Variants in CD200 observed in about 807,000 individuals in gnomAD.
CD200 encodes the protein CD200 molecule.
In CD200, 15 loss-of-function variants were observed where a neutral mutation model predicts 30.9. The ratio of observed to expected loss-of-function variants is 0.49; its 90% CI spans 0.32 to 0.75. CD200 has a LOEUF of 0.75. Among genes scored for constraint, CD200 ranks in the 30% least tolerant of loss-of-function variants. The pLI is 0.03. For synonymous variants in CD200, 134 were observed against 126.2 expected, an observed-to-expected ratio of 1.06 and a Z score of -0.41; for missense variants, 262 against 324.2, an observed-to-expected ratio of 0.81 and a Z score of 1.47.
chr3:112,343,626 CT>C (rs1163838499), intron 2 of CD200, among the ~76,000 whole-genome samples: 4 of 152,022 alleles, frequency 2.6e-5, no homozygotes, highest in South Asian at 2.1e-4. Flanking sequence ...TCCTATTTAA[CT>C]TTTTTTCCTT....
intron 4 of CD200, among the ~76,000 whole-genome samples, chr3:112,348,600 T>C (rs1438916563): frequency 6.6e-6 from 1 of 152,188 alleles, no homozygotes; most frequent in Non-Finnish European, 1.5e-5. Context: ...GCACTGACTC[T>C]TGATGAAGCA....
At chr3:112,333,504 G>T (rs2081044552) in intron 1 of CD200, 1 of 985,336 alleles carries the variant, frequency 1.0e-6, no homozygotes, top group Non-Finnish European at 1.2e-6. Flanking sequence ...CGGGGCTCCG[G>T]GGGCTCTTGA....
chr3:112,342,482 G>A (rs752687016), intron 2 of CD200, among the ~76,000 whole-genome samples: 5 of 148,970 alleles, frequency 3.4e-5, no homozygotes, highest in African/African-American at 7.5e-5. Flanking sequence ...GAGTGCAGTG[G>A]CACAGTCTCA....
At chr3:112,342,801 A>G (rs1199280313) in intron 2 of CD200, among the ~76,000 whole-genome samples, 1 of 152,148 alleles carries the variant, frequency 6.6e-6, no homozygotes, top group East Asian at 1.9e-4. Flanking sequence ...GATTTTTTCT[A>G]TGCTTTCTGG....
rs1251571797 is a variant in CD200, at chr3:112,355,832, G to C, written c.803-5711G>C. ...GCTAAAAATATATATATTTGATGAA[G>C]TATATTAAGTAGAAAAAAATGTTAG... On this transcript the variant is annotated intron_variant, in intron 5 of 5. Coordinates refer to ENST00000315711, the MANE Select transcript of CD200 (RefSeq NM_005944.7). Among the ~76,000 whole-genome samples, 4 of 151,630 alleles carry C rather than the reference G, an allele frequency of 2.6e-5. No homozygotes were observed. In the East Asian group the frequency reaches 7.7e-4, roughly 29 times the overall value.
intron 5 of CD200, chr3:112,350,079 A>G: frequency 1.6e-6 from 1 of 633,440 alleles, no homozygotes; most frequent in Non-Finnish European, 2.0e-6. Context: ...TGATAGAACC[A>G]AAGAAAGAAG....
intron 5 of CD200, among the ~76,000 whole-genome samples, chr3:112,358,624 A>C (rs1348713015): frequency 6.6e-6 from 1 of 152,182 alleles, no homozygotes; most frequent in Admixed American, 6.5e-5. Context: ...GATGTGTATA[A>C]ATGGATTTCC....
chr3:112,346,567 C>T (rs183155068), intron 3 of CD200, among the ~76,000 whole-genome samples: 2 of 152,304 alleles, frequency 1.3e-5, no homozygotes, highest in Admixed American at 1.3e-4. Flanking sequence ...CAACCATATT[C>T]ATGTTTTTTC....
At chr3:112,351,517 A>G (rs566502848) in intron 5 of CD200, among the ~76,000 whole-genome samples, 1 of 152,320 alleles carries the variant, frequency 6.6e-6, no homozygotes, top group Admixed American at 6.5e-5. Context: ...CAATGCCAAT[A>G]TCCGATTCTT....
In CD200 at chr3:112,361,661, G is replaced by C. The variant is rs2081744636; in HGVS notation, c.*111G>C. The C allele has an allele frequency of 2.0e-6, 2 of 991,772 alleles. No homozygotes were observed. Among genetic ancestry groups the C allele is most frequent in the Admixed American group, 1.7e-5 (1 of 57,516 alleles). 61.4% of individuals were successfully genotyped at this position (991,772 alleles called of 1,614,324 possible). ...CCAAAGGACCTGAAAGAGCAAAAGAGGTGGGAGCGAAAGCCTTAAGGATCC... is the reference window on the plus strand; with the variant it reads ...CCAAAGGACCTGAAAGAGCAAAAGACGTGGGAGCGAAAGCCTTAAGGATCC... On this transcript the variant is annotated 3_prime_UTR_variant, in exon 6 of 6. Coordinates refer to ENST00000315711, the MANE Select transcript of CD200 (RefSeq NM_005944.7).
In CD200 at chr3:112,346,167, G is replaced by A. The variant is rs540329259; in HGVS notation, c.421+879G>A. On this transcript the variant is annotated intron_variant, in intron 3 of 5. Transcript: ENST00000315711. ...ATTTTGCCTATAATGAGTCCTCTCT[G>A]TAGAATCTTATGTTGTTTCTTTCTT... is the stretch of plus-strand genomic sequence containing the variant. Among the ~76,000 whole-genome samples the A allele has an allele frequency of 1.6e-4, 25 of 152,146 alleles. No homozygotes were observed. The East Asian group carries it at 3.9e-3, about 24-fold the overall frequency.
Position 112,339,149 on chromosome 3 carries a change from T to C in CD200, c.13-1753T>C, listed in dbSNP as rs56088256. 3.6e-3 allele frequency among the ~76,000 whole-genome samples: 552 copies of C among 152,334 alleles called. 3 individuals are homozygous for C. Among genetic ancestry groups the C allele is most frequent in the Non-Finnish European group, 4.3e-3 (292 of 68,024 alleles). On this transcript the variant is annotated intron_variant, in intron 1 of 5. Coordinates refer to ENST00000315711, the MANE Select transcript of CD200 (RefSeq NM_005944.7). ...ATGCAAAATATAAGTTGGAGTATTA[T>C]TTTAATGTATCATCTGGTGTGATTT... is the stretch of plus-strand genomic sequence containing the variant.
chr3:112,360,568 A>G (rs1014947967), intron 5 of CD200, among the ~76,000 whole-genome samples: 2 of 152,172 alleles, frequency 1.3e-5, no homozygotes, highest in Non-Finnish European at 2.9e-5. Context: ...CGTTTTTACT[A>G]TTGAAATTGA....
At position 112,345,311 on chromosome 3, in the gene CD200, G is replaced by A. The variant is rs375864607; in HGVS notation, c.421+23G>A. Reference sequence around the variant, plus strand: ...ATGGTGAGAATCTCTGAGAATCATTGTCTGTGTCTGGAAATACTATTTGCA... The same window carrying A: ...ATGGTGAGAATCTCTGAGAATCATTATCTGTGTCTGGAAATACTATTTGCA... On this transcript the variant is annotated intron_variant, in intron 3 of 5. Transcript: ENST00000315711. The A allele has an allele frequency of 1.7e-4, 265 of 1,577,008 alleles. 1 individual carries two copies. The African/African-American group carries it at 3.3e-3, about 20-fold the overall frequency.
intron 4 of CD200, 93 bp downstream of exon 4, chr3:112,347,923 C>G: frequency 8.9e-7 from 1 of 1,121,600 alleles, no homozygotes; most frequent in Non-Finnish European, 1.3e-6. Context: ...AGCCTCTTAG[C>G]ATAATCTATT....
intron 1 of CD200, among the ~76,000 whole-genome samples, chr3:112,336,375 A>G (rs889931886): frequency 2.0e-5 from 3 of 152,132 alleles, no homozygotes; most frequent in East Asian, 1.9e-4. Context: ...GCCCACAGGA[A>G]GAAGGCCATC....
intron 1 of CD200, among the ~76,000 whole-genome samples, chr3:112,339,500 C>T (rs1216219618): frequency 6.6e-6 from 1 of 152,054 alleles, no homozygotes; most frequent in Non-Finnish European, 1.5e-5. Context: ...AGTTTGCATC[C>T]CCAAAATAAG....
intron 5 of CD200, among the ~76,000 whole-genome samples, chr3:112,358,650 C>T (rs927844949): frequency 9.2e-5 from 14 of 152,080 alleles, no homozygotes; most frequent in South Asian, 2.1e-4. Flanking sequence ...ACTAAACTGC[C>T]GCATGTCAGG....
intron 5 of CD200, among the ~76,000 whole-genome samples, chr3:112,354,035 A>G (rs940891807): frequency 6.6e-6 from 1 of 152,224 alleles, no homozygotes; most frequent in African/African-American, 2.4e-5. Context: ...TTTACCTATC[A>G]TGCCAAGATG....
Sources: allele counts gnomAD v4.1 joint callset (sites outside exome capture counted in the v4.1 genomes callset), GRCh38; gene constraint gnomAD v4.1.1; transcripts MANE v1.5; gene names NCBI Gene and HGNC (gene_info 2026-07-23, HGNC 2026-07-21).